Variants in STK32C observed in about 807,000 individuals in gnomAD.
The protein encoded by STK32C is serine/threonine-protein kinase 32C.
In STK32C, 31 loss-of-function variants were observed where a neutral mutation model predicts 56.5. That is an observed-to-expected ratio of 0.55 (90% confidence interval 0.41 to 0.74). The LOEUF (loss-of-function observed/expected upper bound fraction) is 0.74. Among genes scored for constraint, STK32C ranks in the 30% least tolerant of loss-of-function variants. STK32C has a pLI of 0.00. For synonymous variants in STK32C, 309 were observed against 289.4 expected, an observed-to-expected ratio of 1.07 and a Z score of -0.69; for missense variants, 544 against 676.9, an observed-to-expected ratio of 0.80 and a Z score of 2.18.
At chr10:132,266,098 G>A (rs2064513024) in intron 1 of STK32C, among the ~76,000 whole-genome samples, 1 of 152,194 alleles carries the variant, frequency 6.6e-6, no homozygotes. Context: ...AGAGGATAAT[G>A]AATAAAGAAA....
At chr10:132,231,904 G>C (rs1402317458) in intron 2 of STK32C, among the ~76,000 whole-genome samples, 3 of 152,260 alleles carry the variant, frequency 2.0e-5, no homozygotes, top group Non-Finnish European at 4.4e-5. Context: ...GAGCCGCCCA[G>C]AGGGCCCACC....
chr10:132,269,088 C>G, intron 1 of STK32C, among the ~76,000 whole-genome samples: 1 of 150,932 alleles, frequency 6.6e-6, no homozygotes, highest in East Asian at 2.0e-4. Flanking sequence ...TGCAGCTGTG[C>G]CTGCGTGCGT....
chr10:132,246,466 C>G (rs1372082753), intron 1 of STK32C, among the ~76,000 whole-genome samples: 2 of 152,230 alleles, frequency 1.3e-5, no homozygotes, highest in East Asian at 3.8e-4. Context: ...CTGGGGGAGT[C>G]TGCAAACGGC....
At chr10:132,226,601 C>A (rs1001844264) in intron 4 of STK32C, among the ~76,000 whole-genome samples, 194 bp downstream of exon 4, 7 of 152,126 alleles carry the variant, frequency 4.6e-5, no homozygotes, top group African/African-American at 1.7e-4. Context: ...CCCAGATGGA[C>A]ACCAGGCACA....
chr10:132,292,940 C>T (rs997132782), intron 1 of STK32C, among the ~76,000 whole-genome samples: 12 of 151,610 alleles, frequency 7.9e-5, no homozygotes, highest in Admixed American at 5.3e-4. Context: ...CCTCCTGACT[C>T]GGTGGGTGCT....
At chr10:132,301,453 G>A (rs1240617694) in intron 1 of STK32C, among the ~76,000 whole-genome samples, 4 of 152,130 alleles carry the variant, frequency 2.6e-5, no homozygotes, top group Admixed American at 2.6e-4. Context: ...TTCCTCCCTA[G>A]GAGGGTCCTG....
At chr10:132,245,303 C>T (rs2063647718) in intron 2 of STK32C, among the ~76,000 whole-genome samples, 1 of 152,194 alleles carries the variant, frequency 6.6e-6, no homozygotes, top group African/African-American at 2.4e-5. Flanking sequence ...GCGCAGAAGC[C>T]GGAGGGCTAA....
rs370561981 is a variant in STK32C, at chr10:132,209,074, C to T, written c.1279G>A (p.Asp427Asn). ...ATCACGAAGTCTTGCTGGATGGCAT[C>T]GAGGCAGTCTTGAAGATAGTCATTC... ...SENDYLQDCL[D>N]AIQQDFVIFN... The change falls in exon 11 of 12, where the codon GAT becomes AAT. Residue 427 changes from aspartate to asparagine, a missense_variant. Physicochemically the swap from Asp to Asn is conservative, Grantham distance 23 (BLOSUM62 1). This residue lies in a region of STK32C where 277 missense variants were observed against 309.3 expected (regional missense o/e 0.90). Coordinates refer to ENST00000298630, the MANE Select transcript of STK32C (RefSeq NM_173575.4). 44 of 1,611,404 alleles carry T rather than the reference C, an allele frequency of 2.7e-5. No individual in the cohort carries two copies. Among genetic ancestry groups the T allele is most frequent in the Admixed American group, 8.3e-5 (5 of 59,958 alleles).
At chr10:132,228,253 G>GT in intron 2 of STK32C, 125 bp from the exon 3 acceptor site, 1 of 1,244,896 alleles carries the variant, frequency 8.0e-7, no homozygotes, top group Non-Finnish European at 1.2e-6. Context: ...CTGGGGACGC[G>GT]CCGCAGCCCC....
chr10:132,249,138 G>C (rs566829529), intron 1 of STK32C: 2 of 446,342 alleles, frequency 4.5e-6, no homozygotes, highest in Non-Finnish European at 9.0e-6. Flanking sequence ...TGGCGTCAGG[G>C]CGTGCAGGGG....
chr10:132,286,136 A>G (rs2065398964), intron 1 of STK32C, among the ~76,000 whole-genome samples: 1 of 152,180 alleles, frequency 6.6e-6, no homozygotes, highest in African/African-American at 2.4e-5. Context: ...AAAAAAAAAA[A>G]AAGGAAAATA....
At chr10:132,300,422 T>A (rs923416865) in intron 1 of STK32C, among the ~76,000 whole-genome samples, 2 of 152,040 alleles carry the variant, frequency 1.3e-5, no homozygotes, top group African/African-American at 4.8e-5. Context: ...GGAGGCTGGA[T>A]GGAATCTGGG....
chr10:132,302,376 C>T (rs745354618), intron 1 of STK32C, among the ~76,000 whole-genome samples: 2 of 152,208 alleles, frequency 1.3e-5, no homozygotes, highest in African/African-American at 2.4e-5. Flanking sequence ...CAGTAGGTCC[C>T]GAGTCCATTC....
At chr10:132,244,698 G>C (rs964026805) in intron 2 of STK32C, among the ~76,000 whole-genome samples, 4 of 152,178 alleles carry the variant, frequency 2.6e-5, no homozygotes, top group African/African-American at 7.2e-5. Context: ...CCTGGTCACA[G>C]CTGCCGTCCT....
In STK32C at chr10:132,327,720, G is replaced by A. The variant is rs1233343427; in HGVS notation, c.302-3347C>T. Among the ~76,000 whole-genome samples the A allele has an allele frequency of 7.2e-5, 11 of 152,160 alleles. No individual in the cohort carries two copies. The South Asian group carries it at 8.3e-4, about 11-fold the overall frequency. The stretch of plus-strand genomic sequence containing the variant: ...TCAAACTCCTGACCTCAGGTGATCC[G>A]CCCGCCTCAGCCTCCCAAAGCGCTG... On this transcript the variant is annotated intron_variant, in intron 1 of 1. Transcript: ENST00000368619.
intron 2 of STK32C, among the ~76,000 whole-genome samples, chr10:132,228,432 C>T (rs1198202527): frequency 2.6e-5 from 4 of 152,190 alleles, no homozygotes; most frequent in Non-Finnish European, 5.9e-5. Flanking sequence ...CATCCTGGCT[C>T]CATGGCTGTT....
upstream of STK32C, among the ~76,000 whole-genome samples, chr10:132,310,227 C>T (rs564599652): frequency 6.6e-6 from 1 of 152,280 alleles, no homozygotes; most frequent in East Asian, 1.9e-4. The surrounding 1 kb of genome is among the most constrained non-coding windows in gnomAD (Gnocchi z 4.6). Context: ...AAACACCAAG[C>T]CAGGCACCTG....
intron 1 of STK32C, among the ~76,000 whole-genome samples, chr10:132,286,125 C>CAA (rs540022059): frequency 5.3e-5 from 6 of 113,182 alleles, no homozygotes; most frequent in South Asian, 5.7e-4. Context: ...GACTCTGTCT[C>CAA]AAAAAAAAAA....
chr10:132,303,553 C>T (rs1052412363), intron 1 of STK32C, among the ~76,000 whole-genome samples: 1 of 152,270 alleles, frequency 6.6e-6, no homozygotes, highest in East Asian at 1.9e-4. Context: ...CCAGGAAGGG[C>T]GAGAGGAACC....
Sources: gnomAD v4.1 joint callset for allele counts (sites outside exome capture counted in the v4.1 genomes callset) on GRCh38, gnomAD v4.1.1 for gene constraint, gnomAD v4.1.1 regional missense constraint, Gnocchi (gnomAD v3.1) non-coding constraint, MANE v1.5 for transcripts, NCBI Gene and HGNC (gene_info 2026-07-23, HGNC 2026-07-21) for gene names.